HS2ST1: variants seen among roughly 807,000 people sequenced by gnomAD.
The protein encoded by HS2ST1 is heparan sulfate 2-O-sulfotransferase 1.
Under a neutral mutation model 42.9 loss-of-function variants are expected in HS2ST1, and 18 were observed. The ratio of observed to expected loss-of-function variants is 0.42; its 90% CI spans 0.29 to 0.62. The LOEUF (loss-of-function observed/expected upper bound fraction) is 0.62, where lower values mean the gene tolerates loss of function less well. Among genes scored for constraint, HS2ST1 ranks in the 20% least tolerant of loss-of-function variants. HS2ST1 has a pLI of 0.21. For missense variants in HS2ST1, 334 were observed against 433.8 expected (o/e 0.77, Z 2.04); for synonymous variants, 146 against 152.9 (o/e 0.95, Z 0.33).
chr1:87,037,661 T>C (rs1650415108), intron 1 of HS2ST1, among the ~76,000 whole-genome samples: 1 of 151,806 alleles, frequency 6.6e-6, no homozygotes, highest in Admixed American at 6.6e-5. Context: ...TAACCTATTA[T>C]AAATTGGGTA....
rs866701941 is a variant in HS2ST1, at chr1:86,963,167, T to A, written c.124+48007T>A. On this transcript the variant is annotated intron_variant, in intron 1 of 6. Coordinates refer to ENST00000370550, the MANE Select transcript of HS2ST1 (RefSeq NM_012262.4). ...GTTTATTAAATCTTTTTTTTTGTAT[T>A]TTTTTTTTTTAATTGATCATTCTTG... Among the ~76,000 whole-genome samples, 125 of 139,208 alleles carry A rather than the reference T, an allele frequency of 9.0e-4. No individual in the cohort carries two copies. In the Middle Eastern group the frequency reaches 0.021, roughly 23 times the overall value. The allele number at this position is 139,208 out of a possible 152,430, so 91.3% of individuals were successfully genotyped here.
At chr1:86,925,678 A>G (rs931709566) in intron 1 of HS2ST1, among the ~76,000 whole-genome samples, 9 of 152,176 alleles carry the variant, frequency 5.9e-5, no homozygotes, top group East Asian at 1.9e-4. Context: ...CCATGATTCA[A>G]TTACCTCCTA....
Position 87,040,629 on chromosome 1 carries a change from C to G in HS2ST1, c.125-32305C>G, listed in dbSNP as rs150918811. On this transcript the variant is annotated intron_variant, in intron 1 of 6. Transcript: ENST00000370550. ...ATAATGTTCTGTGGCCCTTTCAGAA[C>G]CTCAAGAATACCTTGGCAGATCCAA... 2.5e-3 allele frequency among the ~76,000 whole-genome samples: 388 copies of G among 152,176 alleles called. 3 individuals are homozygous for G. The highest frequency in any genetic ancestry group is 8.9e-3 in the African/African-American group (371 of 41,508).
intron 1 of HS2ST1, among the ~76,000 whole-genome samples, chr1:86,924,995 T>C (rs1474943390): frequency 3.3e-5 from 5 of 152,252 alleles, no homozygotes; most frequent in Non-Finnish European, 7.3e-5. Flanking sequence ...TCTGTTTCCC[T>C]TTTAAAATTG....
intron 1 of HS2ST1, among the ~76,000 whole-genome samples, chr1:87,057,667 C>T (rs189674039): frequency 1.1e-4 from 16 of 151,228 alleles, no homozygotes; most frequent in African/African-American, 3.4e-4. Flanking sequence ...CTGGCTAACA[C>T]GGTGAAACCC....
intron 5 of HS2ST1, chr1:87,098,275 A>G: frequency 9.9e-7 from 1 of 1,011,428 alleles, no homozygotes; most frequent in Non-Finnish European, 1.2e-6. Context: ...TTACTGTTTT[A>G]GCTATTCATG....
At chr1:86,962,274 G>A (rs1647870004) in intron 1 of HS2ST1, among the ~76,000 whole-genome samples, 1 of 152,132 alleles carries the variant, frequency 6.6e-6, no homozygotes, top group South Asian at 2.1e-4. Context: ...ATCTAACATT[G>A]CATATTTTAG....
chr1:86,922,325 T>G (rs1460961550), intron 1 of HS2ST1, among the ~76,000 whole-genome samples: 1 of 151,914 alleles, frequency 6.6e-6, no homozygotes, highest in Non-Finnish European at 1.5e-5. Context: ...TACATTATTA[T>G]TTTTGCTTTA....
intron 1 of HS2ST1, among the ~76,000 whole-genome samples, chr1:86,943,581 G>A (rs749984900): frequency 3.3e-5 from 5 of 151,894 alleles, no homozygotes; most frequent in Admixed American, 6.6e-5. Context: ...AATTAGCCAG[G>A]TATGGTGGCA....
intron 1 of HS2ST1, among the ~76,000 whole-genome samples, chr1:87,011,381 C>T (rs998855597): frequency 5.9e-5 from 9 of 151,886 alleles, no homozygotes. Flanking sequence ...CAGCTGGGAC[C>T]ACAGGTGCAC....
intron 1 of HS2ST1, among the ~76,000 whole-genome samples, chr1:86,960,596 G>A (rs1012669795): frequency 1.6e-4 from 25 of 152,094 alleles, no homozygotes; most frequent in Non-Finnish European, 3.1e-4. Flanking sequence ...AATAATAAAT[G>A]AACAACACAA....
chr1:86,917,852 C>T (rs2102149584), intron 1 of HS2ST1, among the ~76,000 whole-genome samples: 1 of 152,236 alleles, frequency 6.6e-6, no homozygotes, highest in East Asian at 1.9e-4. Flanking sequence ...ACGTCTGCCC[C>T]TTGTTTAGAT....
At chr1:86,963,813 C>T (rs1340783011) in intron 1 of HS2ST1, among the ~76,000 whole-genome samples, 10 of 143,118 alleles carry the variant, frequency 7.0e-5, no homozygotes, top group Non-Finnish European at 9.2e-5. Flanking sequence ...CCCCCCTGGA[C>T]GGGGCGGCTG....
In HS2ST1 at chr1:86,962,906, AATAATTGATTTCTTCAATTG is replaced by A. The variant is rs1483272689; in HGVS notation, c.124+47762_124+47781del. 5.3e-5 allele frequency among the ~76,000 whole-genome samples: 8 copies of A among 152,338 alleles called. No homozygotes were observed. The South Asian group carries it at 1.4e-3, about 28-fold the overall frequency. On this transcript the variant is annotated intron_variant, in intron 1 of 6. Coordinates refer to ENST00000370550, the MANE Select transcript of HS2ST1 (RefSeq NM_012262.4). ...AAAGTCAGTAAGTTCCATAAGTGAA[AATAATTGATTTCTTCAATTG>A]ATAATTGATTTCTTCTCTTCCAAGG...
intron 1 of HS2ST1, among the ~76,000 whole-genome samples, chr1:87,067,992 G>A (rs553601646): frequency 2.9e-4 from 44 of 152,056 alleles, no homozygotes; most frequent in African/African-American, 1.0e-3. Flanking sequence ...GTTTGAAGTC[G>A]GTAGCGTGAT....
chr1:86,960,226 C>CAA (rs1197511136), intron 1 of HS2ST1, among the ~76,000 whole-genome samples: 1 of 35,326 alleles, frequency 2.8e-5, no homozygotes. Context: ...CTCCACGCCA[C>CAA]CAAAAAAAAA....
chr1:86,981,283 C>T (rs1220570505), intron 1 of HS2ST1, among the ~76,000 whole-genome samples: 1 of 152,108 alleles, frequency 6.6e-6, no homozygotes, highest in East Asian at 1.9e-4. Context: ...GGTTGGGATG[C>T]AAAGCCAAAC....
intron 1 of HS2ST1, among the ~76,000 whole-genome samples, chr1:86,979,802 G>T (rs1648526132): frequency 1.3e-5 from 2 of 152,158 alleles, no homozygotes; most frequent in Non-Finnish European, 2.9e-5. Flanking sequence ...CATGGCAGCT[G>T]CATAGTTTTA....
At chr1:86,993,290 G>A (rs930323273) in intron 1 of HS2ST1, among the ~76,000 whole-genome samples, 4 of 152,092 alleles carry the variant, frequency 2.6e-5, no homozygotes, top group Non-Finnish European at 5.9e-5. Flanking sequence ...ACCCCATATT[G>A]ATTACATATG....
Sources: allele counts gnomAD v4.1 joint callset (sites outside exome capture counted in the v4.1 genomes callset), GRCh38; gene constraint gnomAD v4.1.1; transcripts MANE v1.5; gene names NCBI Gene and HGNC (gene_info 2026-07-23, HGNC 2026-07-21).